The following C22orf23 variants were observed in gnomAD, a reference collection of about 807,000 sequenced individuals.
C22orf23 encodes the protein chromosome 22 open reading frame 23.
In C22orf23, 30 loss-of-function variants were observed where a neutral mutation model predicts 29.7. That is an observed-to-expected ratio of 1.01 (90% CI 0.76 to 1.37). The LOEUF (loss-of-function observed/expected upper bound fraction) is 1.37. C22orf23 is among the 40% of genes most tolerant of loss of function. The pLI is 0.00. For missense variants in C22orf23, 237 were observed against 273.1 expected, an observed-to-expected ratio of 0.87 and a Z score of 0.93; for synonymous variants, 90 against 96.1, an observed-to-expected ratio of 0.94 and a Z score of 0.37.
chr22:37,943,061 C>G lies in C22orf23; in HGVS notation c.*1114G>C, dbSNP rs143641709. 1 of 151,994 alleles carries G rather than the reference C, an allele frequency of 6.6e-6. No homozygotes were observed. The highest frequency in any genetic ancestry group is 1.5e-5 in the Non-Finnish European group (1 of 68,006). 9.4% of individuals were successfully genotyped at this position (151,994 alleles called of 1,614,324 possible). On this transcript the variant is annotated 3_prime_UTR_variant, in exon 7 of 7. Transcript: ENST00000403305. ...TACAGGGCCGTTTTATTCTGCAAAC[C>G]GAAACTTGGGTCATGTGACCTGATG... is the stretch of plus-strand genomic sequence containing the variant.
intron 3 of C22orf23, chr22:37,951,155 T>G (rs1266861189): frequency 9.4e-6 from 2 of 212,182 alleles, no homozygotes; most frequent in African/African-American, 4.6e-5. Context: ...GAAGTTGCAG[T>G]GAGCCGAGAT....
chr22:37,949,839 G>A (rs931768750), intron 3 of C22orf23, among the ~76,000 whole-genome samples: 5 of 152,026 alleles, frequency 3.3e-5, no homozygotes, highest in South Asian at 2.1e-4. Flanking sequence ...AGGAGCGAGC[G>A]GTCAGAAGTA....
intron 4 of C22orf23, 22 bp downstream of exon 4, chr22:37,947,259 C>T (rs1930749450): frequency 3.7e-6 from 6 of 1,613,710 alleles, no homozygotes; most frequent in East Asian, 2.2e-5. Flanking sequence ...GGAGAAAGGC[C>T]CTAGCTGAGA....
intron 3 of C22orf23, 178 bp downstream of exon 3, chr22:37,951,282 C>T: frequency 1.7e-6 from 1 of 583,132 alleles, no homozygotes; most frequent in Non-Finnish European, 3.0e-6. Context: ...TCTTGAACTC[C>T]TGGGCTTAAG....
intron 1 of C22orf23, 65 bp downstream of exon 1, chr22:37,953,383 G>T (rs1931193208): frequency 1.4e-5 from 8 of 575,138 alleles, no homozygotes; most frequent in Non-Finnish European, 2.5e-5. Context: ...CCTCGGGAGG[G>T]AGTGTTAACA....
At chr22:37,945,246 G>A in intron 4 of C22orf23, 73 bp from the exon 5 acceptor site, 2 of 1,542,428 alleles carry the variant, frequency 1.3e-6, no homozygotes, top group Admixed American at 2.0e-5. Context: ...GTTCCCAAGT[G>A]CACGTGCTTG....
chr22:37,953,007 G>A (rs756854811), intron 2 of C22orf23, 40 bp downstream of exon 2: 1 of 1,484,494 alleles, frequency 6.7e-7, no homozygotes, highest in Non-Finnish European at 9.3e-7. Context: ...ACCGGTCCCT[G>A]GTGCCAAAAA....
At position 37,945,081 on chromosome 22, in the gene C22orf23, G is replaced by T; in HGVS notation, c.442C>A (p.Gln148Lys). The change falls in exon 5 of 7, where the codon CAG becomes AAG. Residue 148 changes from glutamine to lysine, a missense_variant. Transcript: ENST00000403305. Reference sequence around the variant, plus strand: ...TCTAGCTCAGGGGCTGGAGCCTTCTGTCGTGCAGGAGGGGCCTTTCTTTTC... The same window carrying T: ...TCTAGCTCAGGGGCTGGAGCCTTCTTTCGTGCAGGAGGGGCCTTTCTTTTC... Reference protein sequence around the residue: ...ERKRKAPPARQKAPAPELDRF... With the variant: ...ERKRKAPPARKKAPAPELDRF... 6.2e-7 allele frequency: 1 copy of T among 1,613,522 alleles called. No individual in the cohort carries two copies. The highest frequency in any genetic ancestry group is 8.5e-7 in the Non-Finnish European group (1 of 1,179,812).
At chr22:37,949,371 C>T (rs1347268095) in intron 3 of C22orf23, among the ~76,000 whole-genome samples, 7 of 151,318 alleles carry the variant, frequency 4.6e-5, no homozygotes, top group East Asian at 1.9e-4. Context: ...GCAACCTACA[C>T]CTCCTGGGTA....
chr22:37,951,350 G>A, intron 3 of C22orf23, 110 bp downstream of exon 3: 1 of 977,914 alleles, frequency 1.0e-6, no homozygotes, highest in South Asian at 1.5e-5. Flanking sequence ...CACGTGCCCG[G>A]CTGTCTTTGT....
At chr22:37,949,030 A>G (rs1930861426) in intron 3 of C22orf23, among the ~76,000 whole-genome samples, 1 of 152,152 alleles carries the variant, frequency 6.6e-6, no homozygotes, top group African/African-American at 2.4e-5. Flanking sequence ...GCTGCAATAA[A>G]CATTCTTGTA....
chr22:37,953,565 G>C lies in C22orf23; in HGVS notation c.-127C>G. The C allele has an allele frequency of 1.7e-6, 1 of 586,088 alleles. No individual in the cohort carries two copies. Among genetic ancestry groups the C allele is most frequent in the Non-Finnish European group, 3.0e-6 (1 of 338,828 alleles). 36.3% of individuals were successfully genotyped at this position (586,088 alleles called of 1,614,324 possible). A position where few individuals can be genotyped will look rare whatever the true frequency, so the allele number is the denominator to read the frequency against. On this transcript the variant is annotated 5_prime_UTR_variant, in exon 1 of 7. Coordinates refer to ENST00000403305, the MANE Select transcript of C22orf23 (RefSeq NM_032561.5). The stretch of plus-strand genomic sequence containing the variant: ...CACGCAGAAATACTGCGCGATCTGG[G>C]CTGCTGGAGCTGGCAGCTAGCGCCT...
At position 37,951,476 on chromosome 22, in the gene C22orf23, G is replaced by C. The variant is rs749750122; in HGVS notation, c.150C>G (p.Ile50Met). Residue 50 changes from isoleucine (I) to methionine (M), a missense_variant, in exon 3 of 7, where the codon ATC becomes ATG. Transcript: ENST00000403305. ...GCCCCTTACTTTTCATGATGTCCAT[G>C]ATGTGGCGCTGCTGGATGTTCGTCA... ...SKLTNIQQRH[I>M]MDIMKRGDAL... 6.2e-7 allele frequency: 1 copy of C among 1,614,012 alleles called. No homozygotes were observed. The highest frequency in any genetic ancestry group is 1.7e-5 in the Admixed American group (1 of 59,982).
chr22:37,953,544 C>A lies in C22orf23; in HGVS notation c.-106G>T. 1 of 576,754 alleles carries A rather than the reference C, an allele frequency of 1.7e-6. No individual in the cohort carries two copies. Among genetic ancestry groups the A allele is most frequent in the Non-Finnish European group, 3.0e-6 (1 of 330,030 alleles). The allele number at this position is 576,754 out of a possible 1,614,324, so 35.7% of individuals were successfully genotyped here. A position where few individuals can be genotyped will look rare whatever the true frequency, so the allele number is the denominator to read the frequency against. On this transcript the variant is annotated 5_prime_UTR_variant, in exon 1 of 7. Coordinates refer to ENST00000403305, the MANE Select transcript of C22orf23 (RefSeq NM_032561.5). ...CAGCCGCATCCGCACCGGTGCCACG[C>A]AGAAATACTGCGCGATCTGGGCTGC...
Position 37,943,972 on chromosome 22 carries a change from G to GTGAGTCTCAGAGGCTCCATCTGCA in C22orf23, c.*179_*202dup. On this transcript the variant is annotated 3_prime_UTR_variant, in exon 7 of 7. Transcript: ENST00000403305. The stretch of plus-strand genomic sequence containing the variant: ...GCTTTGCTTCTCTGCGGACGGGGCT[G>GTGAGTCTCAGAGGCTCCATCTGCA]TGAGTCTCAGAGGCTCCATCTGCAT... 1.6e-6 allele frequency: 1 copy of GTGAGTCTCAGAGGCTCCATCTGCA among 615,422 alleles called. No individual in the cohort carries two copies. The highest frequency in any genetic ancestry group is 2.9e-6 in the Non-Finnish European group (1 of 343,708). 38.1% of individuals were successfully genotyped at this position (615,422 alleles called of 1,614,324 possible).
intron 3 of C22orf23, among the ~76,000 whole-genome samples, chr22:37,950,111 A>AT (rs1284766587): frequency 1.4e-5 from 2 of 147,418 alleles, no homozygotes; most frequent in Non-Finnish European, 1.5e-5. Flanking sequence ...GTTTTTTTTT[A>AT]TTTTTTATTT....
intron 2 of C22orf23, chr22:37,951,827 T>TTTTTTTTTG (rs1931050500): frequency 2.8e-5 from 4 of 141,856 alleles, no homozygotes; most frequent in African/African-American, 9.4e-5. Flanking sequence ...TTTTTTTTTT[T>TTTTTTTTTG]TTTTTGAGAT....
rs374252075 is a variant in C22orf23, at chr22:37,947,465, T to C, written c.167-2A>G. 4.1e-6 allele frequency: 6 copies of C among 1,474,756 alleles called. No homozygotes were observed. The highest frequency in any genetic ancestry group is 5.4e-6 in the Non-Finnish European group (6 of 1,102,462). The allele number at this position is 1,474,756 out of a possible 1,614,324, so 91.4% of individuals were successfully genotyped here. On this transcript the variant is annotated splice_acceptor_variant, in intron 3 of 6. Transcript: ENST00000403305. LOFTEE classifies it high-confidence loss of function. Reference sequence around the variant, plus strand: ...ACTGTAGGGGCAAAGCATCTCCTCCTGGGGAACGAAGAGTTGGGGTGGGAG... The same window carrying C: ...ACTGTAGGGGCAAAGCATCTCCTCCCGGGGAACGAAGAGTTGGGGTGGGAG...
intron 3 of C22orf23, among the ~76,000 whole-genome samples, chr22:37,950,256 G>A (rs1048472073): frequency 6.6e-6 from 1 of 151,586 alleles, no homozygotes; most frequent in Non-Finnish European, 1.5e-5. Flanking sequence ...GGTATTACAG[G>A]CATCCGCCAT....
Sources: gnomAD v4.1 joint callset for allele counts (sites outside exome capture counted in the v4.1 genomes callset) on GRCh38, gnomAD v4.1.1 for gene constraint, MANE v1.5 for transcripts, NCBI Gene and HGNC (gene_info 2026-07-23, HGNC 2026-07-21) for gene names.